Variants in DCAF7 observed in about 807,000 individuals in gnomAD.
DCAF7 encodes DDB1 and CUL4 associated factor 7, also known as DDB1- and CUL4-associated factor 7.
Under a neutral mutation model 41.2 loss-of-function variants are expected in DCAF7, and 4 were observed. That is an observed-to-expected ratio of 0.10 (90% CI 0.05 to 0.22). The LOEUF is 0.22. DCAF7 is among the 10% of genes least tolerant of loss of function. DCAF7 has a pLI of 1.00. For synonymous variants in DCAF7, 143 were observed against 164.2 expected (o/e 0.87, Z 0.99); for missense variants, 131 against 443.2 (o/e 0.30, Z 6.32).
At chr17:63,564,369 A>G (rs2033418791) in intron 1 of DCAF7, among the ~76,000 whole-genome samples, 2 of 152,218 alleles carry the variant, frequency 1.3e-5, no homozygotes, top group African/African-American at 2.4e-5. Flanking sequence ...TCTGGTATCT[A>G]AATTCTAGCA....
chr17:63,555,963 C>T (rs2033306567), intron 1 of DCAF7, among the ~76,000 whole-genome samples: 3 of 152,136 alleles, frequency 2.0e-5, no homozygotes, highest in African/African-American at 4.8e-5. Flanking sequence ...CTCTGAGCCA[C>T]GAGCCAAAGG....
At position 63,589,333 on chromosome 17, in the gene DCAF7, C is replaced by T. The variant is rs1478653077; in HGVS notation, c.*161C>T. ...CTCTAGGAGTTCCTGGCCAGTCACC[C>T]CATCGCCCTCTGTGGCAGACTCAGT... On this transcript the variant is annotated 3_prime_UTR_variant, in exon 7 of 7. Coordinates refer to ENST00000614556, the MANE Select transcript of DCAF7 (RefSeq NM_005828.5). The T allele has an allele frequency of 1.1e-6, 1 of 951,758 alleles. No individual in the cohort carries two copies. Among genetic ancestry groups the T allele is most frequent in the Admixed American group, 2.0e-5 (1 of 50,136 alleles). The allele number at this position is 951,758 out of a possible 1,614,324, so 59.0% of individuals were successfully genotyped here.
intron 1 of DCAF7, among the ~76,000 whole-genome samples, chr17:63,559,759 AC>A (rs2033360977): frequency 6.6e-6 from 1 of 151,926 alleles, no homozygotes; most frequent in African/African-American, 2.4e-5. Context: ...CCGAGATGGC[AC>A]CATTGCACTC....
chr17:63,578,757 A>G, intron 2 of DCAF7, 129 bp downstream of exon 2: 1 of 1,301,086 alleles, frequency 7.7e-7, no homozygotes, highest in South Asian at 1.3e-5. Context: ...GAAGCAAGCG[A>G]AGCTTAAATG....
chr17:63,575,569 G>A (rs2033553141), intron 1 of DCAF7, among the ~76,000 whole-genome samples: 1 of 152,188 alleles, frequency 6.6e-6, no homozygotes, highest in East Asian at 1.9e-4. Context: ...GCGTGGTGGT[G>A]CGCACCTGTA....
At chr17:63,570,614 T>C (rs892317759) in intron 1 of DCAF7, among the ~76,000 whole-genome samples, 1 of 152,128 alleles carries the variant, frequency 6.6e-6, no homozygotes, top group African/African-American at 2.4e-5. Context: ...AGAGTGTAAA[T>C]TGCAAGGCAA....
chr17:63,559,343 ATATACG>A (rs1225211846), intron 1 of DCAF7, among the ~76,000 whole-genome samples: 1 of 135,004 alleles, frequency 7.4e-6, no homozygotes, highest in East Asian at 2.0e-4. Context: ...ACATACATAT[ATATACG>A]TATATATATG....
chr17:63,551,740 C>G (rs1481357260), intron 1 of DCAF7, among the ~76,000 whole-genome samples: 1 of 151,778 alleles, frequency 6.6e-6, no homozygotes, highest in African/African-American at 2.4e-5. Flanking sequence ...ATGCCATGAA[C>G]ATCAGATTTA....
intron 4 of DCAF7, among the ~76,000 whole-genome samples, chr17:63,580,862 A>G (rs1199163627): frequency 6.6e-6 from 1 of 152,104 alleles, no homozygotes; most frequent in African/African-American, 2.4e-5. Context: ...GTGATTTTGG[A>G]AAATCCCCAT....
At chr17:63,580,567 G>A (rs894494979) in intron 4 of DCAF7, among the ~76,000 whole-genome samples, 4 of 134,252 alleles carry the variant, frequency 3.0e-5, no homozygotes, top group Non-Finnish European at 6.2e-5. Context: ...TGCCCAGGCT[G>A]GAGTGCAATG....
chr17:63,590,007 G>A lies in DCAF7; in HGVS notation c.*835G>A, dbSNP rs891564910. 1 of 152,688 alleles carries A rather than the reference G, an allele frequency of 6.5e-6. No individual in the cohort carries two copies. Among genetic ancestry groups the A allele is most frequent in the East Asian group, 1.9e-4 (1 of 5,198 alleles). The allele number at this position is 152,688 out of a possible 1,614,324, so 9.5% of individuals were successfully genotyped here. A position where few individuals can be genotyped will look rare whatever the true frequency, so the allele number is the denominator to read the frequency against. ...TGGTTCCCACTGGCAGCATGGTAGA[G>A]CTGAGAGAAACAGGCTCTCAGGGTA... is the stretch of plus-strand genomic sequence containing the variant. On this transcript the variant is annotated 3_prime_UTR_variant, in exon 7 of 7. Coordinates refer to ENST00000614556, the MANE Select transcript of DCAF7 (RefSeq NM_005828.5).
chr17:63,575,577 G>A (rs892878935), intron 1 of DCAF7, among the ~76,000 whole-genome samples: 1 of 152,112 alleles, frequency 6.6e-6, no homozygotes, highest in African/African-American at 2.4e-5. Flanking sequence ...GTGCGCACCT[G>A]TAGTCCCAGC....
intron 1 of DCAF7, among the ~76,000 whole-genome samples, chr17:63,564,881 A>G (rs1399805472): frequency 6.6e-6 from 1 of 152,208 alleles, no homozygotes; most frequent in Admixed American, 6.5e-5. Flanking sequence ...GCAAAAACTC[A>G]TCCTTCCTAT....
chr17:63,580,541 A>G (rs2033611528), intron 4 of DCAF7, among the ~76,000 whole-genome samples: 1 of 122,770 alleles, frequency 8.1e-6, no homozygotes, highest in Non-Finnish European at 1.7e-5. Context: ...TTTTTGAGAC[A>G]AAGTTTTCCT....
intron 1 of DCAF7, among the ~76,000 whole-genome samples, chr17:63,565,886 A>C (rs895804507): frequency 1.3e-5 from 2 of 152,088 alleles, no homozygotes; most frequent in African/African-American, 4.8e-5. Flanking sequence ...AAATCACTTG[A>C]GGTCAGGAGT....
At chr17:63,579,268 G>A (rs2033594202) in intron 2 of DCAF7, 69 bp from the exon 3 acceptor site, 4 of 1,039,302 alleles carry the variant, frequency 3.8e-6, no homozygotes, top group Non-Finnish European at 5.7e-6. Context: ...TTTCTAAACA[G>A]GGATTTTTTA....
chr17:63,578,658 A>T, intron 2 of DCAF7, 30 bp downstream of exon 2: 1 of 1,613,578 alleles, frequency 6.2e-7, no homozygotes, highest in South Asian at 1.1e-5. Context: ...GCAGCCAGAC[A>T]AGTGGGCTTT....
chr17:63,572,934 TG>T (rs1286117278), intron 1 of DCAF7, among the ~76,000 whole-genome samples: 1 of 152,108 alleles, frequency 6.6e-6, no homozygotes, highest in Non-Finnish European at 1.5e-5. Context: ...GGCTAATTTT[TG>T]TATTTTTTGT....
At chr17:63,562,533 T>C (rs1222061596) in intron 1 of DCAF7, among the ~76,000 whole-genome samples, 1 of 150,640 alleles carries the variant, frequency 6.6e-6, no homozygotes, top group Admixed American at 6.6e-5. Flanking sequence ...TTTTTATTTT[T>C]TATTTTTTAT....
Sources: allele counts gnomAD v4.1 joint callset (sites outside exome capture counted in the v4.1 genomes callset), GRCh38; gene constraint gnomAD v4.1.1; transcripts MANE v1.5; gene names NCBI Gene and HGNC (gene_info 2026-07-23, HGNC 2026-07-21).